Variants in CYP7B1 observed in about 807,000 individuals in gnomAD.
CYP7B1 encodes cytochrome P450 family 7 subfamily B member 1.
In CYP7B1, 29 loss-of-function variants were observed where a neutral mutation model predicts 42.7. The ratio of observed to expected loss-of-function variants is 0.68; its 90% confidence interval spans 0.51 to 0.93. The LOEUF (loss-of-function observed/expected upper bound fraction) is 0.93, where lower values mean the gene tolerates loss of function less well. CYP7B1 is among the 40% of genes least tolerant of loss of function. The pLI is 0.00. For missense variants in CYP7B1, 655 were observed against 600.5 expected (o/e 1.09, Z -0.95); for synonymous variants, 235 against 218.2 (o/e 1.08, Z -0.68).
chr8:64,725,156 C>T (rs985090711), intron 1 of CYP7B1, among the ~76,000 whole-genome samples: 1 of 152,210 alleles, frequency 6.6e-6, no homozygotes, highest in Non-Finnish European at 1.5e-5. Flanking sequence ...CCATTTTTCA[C>T]CAAACCTACA....
At position 64,749,127 on chromosome 8, in the gene CYP7B1, C is replaced by G. The variant is rs1265562201; in HGVS notation, c.122+49339G>C. ...ACGGAGTCTTGCTCTGTCTCCCAAGCTGGAGTGCAGTGGTGTGATCTTGGC... is the reference window on the plus strand; with the variant it reads ...ACGGAGTCTTGCTCTGTCTCCCAAGGTGGAGTGCAGTGGTGTGATCTTGGC... On this transcript the variant is annotated intron_variant, in intron 1 of 5. Transcript: ENST00000310193. Among the ~76,000 whole-genome samples, 3 of 152,096 alleles carry G rather than the reference C, an allele frequency of 2.0e-5. No homozygotes were observed. In the East Asian group the frequency reaches 5.8e-4, roughly 29 times the overall value.
chr8:64,724,204 A>G (rs973235424), intron 1 of CYP7B1, among the ~76,000 whole-genome samples: 1 of 152,064 alleles, frequency 6.6e-6, no homozygotes, highest in African/African-American at 2.4e-5. Flanking sequence ...CAGTGGCGCA[A>G]TCTCGATACA....
intron 1 of CYP7B1, among the ~76,000 whole-genome samples, chr8:64,712,756 T>C (rs545787029): frequency 2.4e-4 from 25 of 105,460 alleles, no homozygotes; most frequent in Non-Finnish European, 3.5e-4. Context: ...TATGTGTGTG[T>C]TATGTGTATG....
intron 1 of CYP7B1, among the ~76,000 whole-genome samples, chr8:64,626,626 C>T (rs963169673): frequency 1.3e-5 from 2 of 152,030 alleles, no homozygotes; most frequent in African/African-American, 4.8e-5. Flanking sequence ...CAAGTTTTTT[C>T]TTTGTTGATT....
At chr8:64,651,305 A>G (rs1277652027) in intron 1 of CYP7B1, among the ~76,000 whole-genome samples, 3 of 152,240 alleles carry the variant, frequency 2.0e-5, no homozygotes, top group Non-Finnish European at 4.4e-5. Context: ...ACTAGTCTGC[A>G]GCTCTTTCAA....
At chr8:64,680,903 C>T (rs1276071830) in intron 1 of CYP7B1, among the ~76,000 whole-genome samples, 4 of 152,250 alleles carry the variant, frequency 2.6e-5, no homozygotes, top group East Asian at 1.9e-4. Context: ...GTATGCTGCA[C>T]CAAATACCAC....
At position 64,592,974 on chromosome 8, in the gene CYP7B1, T is replaced by G. The variant is rs567657342; in HGVS notation, c.*3668A>C. Among the ~76,000 whole-genome samples, 1 of 152,334 alleles carries G rather than the reference T, an allele frequency of 6.6e-6. No homozygotes were observed. Among genetic ancestry groups the G allele is most frequent in the East Asian group, 1.9e-4 (1 of 5,190 alleles). On this transcript the variant is annotated 3_prime_UTR_variant, in exon 6 of 6. Coordinates refer to ENST00000310193, the MANE Select transcript of CYP7B1 (RefSeq NM_004820.5). Reference sequence around the variant, plus strand: ...GTTTTGGTTCTACTATTCATTCCTTTTATGTCATCTTTTCTCAACCATTTC... The same window carrying G: ...GTTTTGGTTCTACTATTCATTCCTTGTATGTCATCTTTTCTCAACCATTTC...
chr8:64,616,216 ATTGT>A lies in CYP7B1; in HGVS notation c.321_324del (p.Lys107AsnfsTer2), dbSNP rs770285398. ...TTATTAGAAAATACTCGAAAGCTTA[ATTGT>A]TTATGATTTTTTATCACTAGCTGGT... On this transcript the variant is annotated frameshift_variant, in exon 3 of 6. Transcript: ENST00000310193. LOFTEE classifies it high-confidence loss of function. 1.7e-5 allele frequency: 28 copies of A among 1,610,736 alleles called. No individual in the cohort carries two copies. The highest frequency in any genetic ancestry group is 1.8e-5 in the Non-Finnish European group (21 of 1,178,590).
chr8:64,746,046 C>T lies in CYP7B1; in HGVS notation c.122+52420G>A, dbSNP rs1807639393. The stretch of plus-strand genomic sequence containing the variant: ...ATTTGATATTAAAGGATAATTTTTT[C>T]CACTAAAAATTTTAAATATATTTAA... On this transcript the variant is annotated intron_variant, in intron 1 of 5. Coordinates refer to ENST00000310193, the MANE Select transcript of CYP7B1 (RefSeq NM_004820.5). Among the ~76,000 whole-genome samples, 4 of 151,776 alleles carry T rather than the reference C, an allele frequency of 2.6e-5. No homozygotes were observed. The South Asian group carries it at 8.3e-4, about 32-fold the overall frequency.
At chr8:64,629,117 C>T (rs1805650740) in intron 1 of CYP7B1, among the ~76,000 whole-genome samples, 1 of 151,320 alleles carries the variant, frequency 6.6e-6, no homozygotes, top group Non-Finnish European at 1.5e-5. Flanking sequence ...ATCCCAGCTA[C>T]TCGGGAGGCT....
chr8:64,716,114 T>C (rs925234239), intron 1 of CYP7B1, among the ~76,000 whole-genome samples: 4 of 152,252 alleles, frequency 2.6e-5, no homozygotes, highest in Admixed American at 2.6e-4. Context: ...TTAAGCACTG[T>C]TTTTAGCTGT....
intron 1 of CYP7B1, among the ~76,000 whole-genome samples, chr8:64,774,024 C>T (rs1050582957): frequency 2.0e-5 from 3 of 152,170 alleles, no homozygotes; most frequent in Non-Finnish European, 4.4e-5. Flanking sequence ...CAAACCATAG[C>T]ACCTAGTACG....
chr8:64,762,988 G>A (rs1026627825), intron 1 of CYP7B1, among the ~76,000 whole-genome samples: 1 of 148,480 alleles, frequency 6.7e-6, no homozygotes, highest in Non-Finnish European at 1.5e-5. Context: ...CCCACTGTAT[G>A]GGAGCTGTGT....
chr8:64,661,119 A>C (rs542211365), intron 1 of CYP7B1, among the ~76,000 whole-genome samples: 1 of 152,344 alleles, frequency 6.6e-6, no homozygotes, highest in East Asian at 1.9e-4. Context: ...GGTGGCCTTA[A>C]ACTGCAACAT....
intron 1 of CYP7B1, among the ~76,000 whole-genome samples, chr8:64,681,621 A>G (rs1469111237): frequency 6.6e-6 from 1 of 152,176 alleles, no homozygotes; most frequent in Non-Finnish European, 1.5e-5. Context: ...AGAGCCCTGT[A>G]AAAAGGCCTG....
chr8:64,646,341 A>G (rs1322077899), intron 1 of CYP7B1, among the ~76,000 whole-genome samples: 1 of 152,146 alleles, frequency 6.6e-6, no homozygotes, highest in Non-Finnish European at 1.5e-5. Flanking sequence ...ATGAACTCAA[A>G]CAAATTTACA....
chr8:64,587,941 T>A (rs770210087), downstream of CYP7B1: 1 of 152,094 alleles, frequency 6.6e-6, no homozygotes, highest in Non-Finnish European at 1.5e-5. Context: ...GGATGGGGAG[T>A]TGGCTTTAAT....
intron 1 of CYP7B1, among the ~76,000 whole-genome samples, chr8:64,796,858 G>A (rs1804710102): frequency 6.6e-6 from 1 of 152,090 alleles, no homozygotes; most frequent in African/African-American, 2.4e-5. Flanking sequence ...ATATATCAGG[G>A]ACTCTTAACC....
At chr8:64,667,913 T>C (rs945518541) in intron 1 of CYP7B1, among the ~76,000 whole-genome samples, 1 of 152,210 alleles carries the variant, frequency 6.6e-6, no homozygotes. Flanking sequence ...CTTCATTTTA[T>C]TAAACAGGAA....
Sources: gnomAD v4.1 joint callset for allele counts (sites outside exome capture counted in the v4.1 genomes callset) on GRCh38, gnomAD v4.1.1 for gene constraint, MANE v1.5 for transcripts, NCBI Gene and HGNC (gene_info 2026-07-23, HGNC 2026-07-21) for gene names.